ROBO2: variants seen among roughly 807,000 people sequenced by gnomAD.
ROBO2 encodes the protein roundabout homolog 2.
Under a neutral mutation model 160.8 loss-of-function variants are expected in ROBO2, and 53 were observed. That is an observed-to-expected ratio of 0.33 (90% confidence interval 0.26 to 0.41). The LOEUF (loss-of-function observed/expected upper bound fraction) is 0.41. ROBO2 is among the 10% of genes least tolerant of loss of function. The probability of loss-of-function intolerance (pLI) is 1.00; values close to 1 mark genes in which losing one functional copy is unlikely to be tolerated. For synonymous variants in ROBO2, 664 were observed against 611.7 expected, an observed-to-expected ratio of 1.09 and a Z score of -1.26; for missense variants, 1,577 against 1,722.4, an observed-to-expected ratio of 0.92 and a Z score of 1.49.
chr3:77,569,332 C>T (rs991611112), intron 13 of ROBO2, among the ~76,000 whole-genome samples: 4 of 152,036 alleles, frequency 2.6e-5, no homozygotes, highest in African/African-American at 9.7e-5. Flanking sequence ...TCCTTGCCAA[C>T]ACTTATTATC....
chr3:76,224,747 T>TTG (rs200379886), intron 2 of ROBO2, among the ~76,000 whole-genome samples: 1 of 151,812 alleles, frequency 6.6e-6, no homozygotes, highest in Non-Finnish European at 1.5e-5. Flanking sequence ...ATTCCTGTTC[T>TTG]TCTAGACTCA....
intron 2 of ROBO2, among the ~76,000 whole-genome samples, chr3:76,334,843 AAGG>A: frequency 6.6e-6 from 1 of 152,270 alleles, no homozygotes; most frequent in Non-Finnish European, 1.5e-5. Context: ...TTAGTAAAGA[AAGG>A]AGTTACCTGA....
At chr3:76,512,643 G>A (rs2107771293) in intron 2 of ROBO2, among the ~76,000 whole-genome samples, 1 of 152,188 alleles carries the variant, frequency 6.6e-6, no homozygotes, top group Non-Finnish European at 1.5e-5. Flanking sequence ...AGGCAGTGGT[G>A]CCTTTCCTTT....
chr3:76,315,128 AATTAGACCTGACTG>A (rs2107815100), intron 2 of ROBO2, among the ~76,000 whole-genome samples: 1 of 152,094 alleles, frequency 6.6e-6, no homozygotes, highest in East Asian at 1.9e-4. Context: ...TAAGAGGGGG[AATTAGACCTGACTG>A]TTGTCCATGT....
At chr3:76,228,329 A>G (rs534694712) in intron 2 of ROBO2, among the ~76,000 whole-genome samples, 1 of 152,336 alleles carries the variant, frequency 6.6e-6, no homozygotes, top group East Asian at 1.9e-4. Context: ...TAGGCAACCC[A>G]GAGACAGTAC....
Position 76,860,518 on chromosome 3 carries a change from C to A in ROBO2, c.110-237496C>A, listed in dbSNP as rs1344592097. Among the ~76,000 whole-genome samples, 6 of 152,030 alleles carry A rather than the reference C, an allele frequency of 3.9e-5. No individual in the cohort carries two copies. The East Asian group carries it at 1.2e-3, about 29-fold the overall frequency. ...TTTTGTTTTTTAATTGCTTATGTCTCCAAAAATAGTTGACTCCATTGTTTT... is the reference window on the plus strand; with the variant it reads ...TTTTGTTTTTTAATTGCTTATGTCTACAAAAATAGTTGACTCCATTGTTTT... On this transcript the variant is annotated intron_variant, in intron 2 of 26. Transcript: ENST00000487694.
chr3:76,941,557 G>A lies in ROBO2; in HGVS notation c.110-156457G>A, dbSNP rs76510915. Among the ~76,000 whole-genome samples the A allele has an allele frequency of 5.6e-3, 852 of 152,178 alleles. 4 individuals carry two copies. Among genetic ancestry groups the A allele is most frequent in the African/African-American group, 0.019 (783 of 41,498 alleles). ...CAAATTATTTTAAAACTGAGTCATC[G>A]TGCATGTTGATGCATGATGTACAAT... On this transcript the variant is annotated intron_variant, in intron 2 of 26. Transcript: ENST00000487694.
At chr3:77,323,487 G>C (rs2065032356) in intron 2 of ROBO2, among the ~76,000 whole-genome samples, 1 of 152,040 alleles carries the variant, frequency 6.6e-6, no homozygotes, top group East Asian at 1.9e-4. Flanking sequence ...AATTAATCAA[G>C]AAAAAGAGCT....
At chr3:76,277,478 T>C (rs1707994543) in intron 2 of ROBO2, among the ~76,000 whole-genome samples, 1 of 151,982 alleles carries the variant, frequency 6.6e-6, no homozygotes, top group Admixed American at 6.6e-5. Flanking sequence ...CTTTTTAAAG[T>C]AGTTTCTCCA....
intron 2 of ROBO2, among the ~76,000 whole-genome samples, chr3:76,643,098 C>T (rs551000002): frequency 6.6e-6 from 1 of 152,192 alleles, no homozygotes; most frequent in East Asian, 1.9e-4. Flanking sequence ...TCCTTTTTAT[C>T]ATCGAAAATT....
chr3:76,622,980 T>C (rs1022904532), intron 2 of ROBO2, among the ~76,000 whole-genome samples: 1 of 152,196 alleles, frequency 6.6e-6, no homozygotes, highest in Non-Finnish European at 1.5e-5. Context: ...TCCACAGATC[T>C]TGCAATCTTA....
At chr3:76,807,906 G>A (rs1008850884) in intron 2 of ROBO2, among the ~76,000 whole-genome samples, 20 of 151,896 alleles carry the variant, frequency 1.3e-4, no homozygotes, top group African/African-American at 2.7e-4. Flanking sequence ...AACTTAGGAC[G>A]GTTAATGCCT....
At chr3:76,940,172 C>G (rs572165857) in intron 2 of ROBO2, among the ~76,000 whole-genome samples, 2 of 152,012 alleles carry the variant, frequency 1.3e-5, no homozygotes, top group South Asian at 4.2e-4. Context: ...TTAGTAGAGA[C>G]GGGGTTTCAC....
At chr3:77,212,738 A>C (rs11706029) in intron 2 of ROBO2, among the ~76,000 whole-genome samples, 40,960 of 152,094 alleles carry the variant, frequency 0.27, 5,879 homozygotes, top group Middle Eastern at 0.34. Flanking sequence ...TATTATTTTG[A>C]GATACATCCC....
chr3:75,914,627 A>G (rs715468), intron 1 of ROBO2, among the ~76,000 whole-genome samples: 75,767 of 152,078 alleles, frequency 0.5, 19,507 homozygotes, highest in Non-Finnish European at 0.56. Flanking sequence ...TAATTTTTGA[A>G]AAGGACCCAA....
intron 1 of ROBO2, among the ~76,000 whole-genome samples, chr3:75,932,034 T>C (rs1037605651): frequency 6.6e-6 from 1 of 152,136 alleles, no homozygotes; most frequent in African/African-American, 2.4e-5. Context: ...CGTATATTAA[T>C]GAATGAGATA....
At chr3:77,239,867 G>C (rs1207551313) in intron 2 of ROBO2, among the ~76,000 whole-genome samples, 1 of 152,172 alleles carries the variant, frequency 6.6e-6, no homozygotes, top group Non-Finnish European at 1.5e-5. Flanking sequence ...AGATGTAAAA[G>C]TTCTCCAAGT....
At chr3:76,604,898 A>C (rs1163584358) in intron 2 of ROBO2, among the ~76,000 whole-genome samples, 1 of 152,194 alleles carries the variant, frequency 6.6e-6, no homozygotes, top group Non-Finnish European at 1.5e-5. Flanking sequence ...TAAGTAATCA[A>C]ATAGATAGCT....
chr3:76,919,580 G>A (rs558285846), intron 2 of ROBO2, among the ~76,000 whole-genome samples: 1 of 151,908 alleles, frequency 6.6e-6, no homozygotes. Context: ...CTTCATGATC[G>A]GTATATAATT....
Sources: gnomAD v4.1 joint callset for allele counts (sites outside exome capture counted in the v4.1 genomes callset) on GRCh38, gnomAD v4.1.1 for gene constraint, MANE v1.5 for transcripts, NCBI Gene and HGNC (gene_info 2026-07-23, HGNC 2026-07-21) for gene names.